Variants in INTS2 observed in about 807,000 individuals in gnomAD.
INTS2 encodes the protein integrator complex subunit 2.
In INTS2, 57 loss-of-function variants were observed where a neutral mutation model predicts 139.6. The observed-to-expected ratio is 0.41, with a 90% CI of 0.33 to 0.51. The LOEUF is 0.51. Ranked by LOEUF, INTS2 falls within the 20% of genes least tolerant of loss-of-function variation. INTS2 has a pLI of 0.28. For missense variants in INTS2, 1,196 were observed against 1,436.7 expected, an observed-to-expected ratio of 0.83 and a Z score of 2.71; for synonymous variants, 473 against 493.4, an observed-to-expected ratio of 0.96 and a Z score of 0.55.
chr17:61,911,239 A>T (rs1404227351), intron 7 of INTS2: 2 of 416,900 alleles, frequency 4.8e-6, no homozygotes, highest in Non-Finnish European at 8.4e-6. Flanking sequence ...GACTATAGGC[A>T]CATACCAACA....
rs2079105404 is a variant in INTS2 at position 61,873,571 on chromosome 17, A to T, written c.2583-1111T>A. ...ATGATAAATCATTTTTTCAAGAAAC[A>T]GCTCTTTTCTAGAAGTGTTATTTAT... On this transcript the variant is annotated intron_variant, in intron 19 of 24. Coordinates refer to ENST00000251334, the MANE Select transcript of INTS2 (RefSeq NM_001351695.2). This position sits in a 1 kb window ranked among gnomAD's most constrained non-coding sequence, Gnocchi z 4.0. Among the ~76,000 whole-genome samples the T allele has an allele frequency of 6.6e-6, 1 of 152,094 alleles. No homozygotes were observed. Among genetic ancestry groups the T allele is most frequent in the Non-Finnish European group, 1.5e-5 (1 of 67,996 alleles).
At chr17:61,920,431 C>T (rs1219894632) in intron 4 of INTS2, among the ~76,000 whole-genome samples, 1 of 151,314 alleles carries the variant, frequency 6.6e-6, no homozygotes, top group African/African-American at 2.4e-5. Flanking sequence ...ATCCACCCAC[C>T]TCGGCCTCCC....
intron 9 of INTS2, among the ~76,000 whole-genome samples, chr17:61,901,015 C>T (rs12452742): frequency 0.16 from 24,656 of 152,048 alleles, 2,465 homozygotes; most frequent in East Asian, 0.53. Context: ...TGGCTCACAC[C>T]TGTAGTTACA....
chr17:61,926,825 T>C, intron 1 of INTS2, 163 bp from the exon 2 acceptor site: 1 of 654,342 alleles, frequency 1.5e-6, no homozygotes, highest in Non-Finnish European at 2.7e-6. Context: ...CCTAGGTTTA[T>C]ACTGTCACCT....
At chr17:61,915,341 AAAATAAAT>A (rs58856021) in intron 5 of INTS2, among the ~76,000 whole-genome samples, 106 of 141,394 alleles carry the variant, frequency 7.5e-4, no homozygotes, top group Middle Eastern at 3.5e-3. Flanking sequence ...CCGTCTCAAA[AAAATAAAT>A]AAATAAATAA....
chr17:61,915,286 C>T (rs1170565307), intron 5 of INTS2, among the ~76,000 whole-genome samples: 4 of 151,402 alleles, frequency 2.6e-5, no homozygotes, highest in African/African-American at 2.4e-5. Flanking sequence ...TGCAGTGAGC[C>T]GAGATCACTC....
chr17:61,910,769 T>C (rs1006821081), intron 7 of INTS2: 25 of 149,994 alleles, frequency 1.7e-4, no homozygotes, highest in Middle Eastern at 3.4e-3. Context: ...TTTAAAAATA[T>C]AATAACTTAT....
intron 19 of INTS2, 62 bp downstream of exon 19, chr17:61,874,851 A>G: frequency 7.7e-7 from 1 of 1,291,560 alleles, no homozygotes; most frequent in Non-Finnish European, 1.0e-6. Flanking sequence ...GAATTTCATC[A>G]ATTTCTTTTG....
At chr17:61,886,728 T>C (rs78965550) in intron 15 of INTS2, among the ~76,000 whole-genome samples, 149 of 152,344 alleles carry the variant, frequency 9.8e-4, no homozygotes, top group South Asian at 1.9e-3. Flanking sequence ...ACCACAGGAA[T>C]ATATGAGAAT....
Position 61,897,419 on chromosome 17 carries a change from C to T in INTS2, c.1494+50G>A. 9.2e-7 allele frequency: 1 copy of T among 1,090,702 alleles called. No homozygotes were observed. The highest frequency in any genetic ancestry group is 1.3e-6 in the Non-Finnish European group (1 of 757,264). 67.6% of individuals were successfully genotyped at this position (1,090,702 alleles called of 1,614,324 possible). ...TCTATTTACACTACAACAAAATGTC[C>T]AGCTTAGAAACACCTTTTTTTTTTT... On this transcript the variant is annotated intron_variant, in intron 11 of 24. Coordinates refer to ENST00000251334, the MANE Select transcript of INTS2 (RefSeq NM_001351695.2). This position sits in a 1 kb window ranked among gnomAD's most constrained non-coding sequence, Gnocchi z 4.4.
rs1042902377 is a variant in INTS2 at position 61,866,338 on chromosome 17, CA to C, written c.*1218del. 7.1e-6 allele frequency: 1 copy of C among 141,778 alleles called. No homozygotes were observed. Among genetic ancestry groups the C allele is most frequent in the African/African-American group, 2.7e-5 (1 of 37,636 alleles). The allele number at this position is 141,778 out of a possible 1,614,324, so 8.8% of individuals were successfully genotyped here. On this transcript the variant is annotated 3_prime_UTR_variant, in exon 25 of 25. Coordinates refer to ENST00000251334, the MANE Select transcript of INTS2 (RefSeq NM_001351695.2). ...TCCCACTGCACTCCAGCCTGGGCAA[CA>C]GGGGAAGACTCCACCTCAGGAAAAA...
intron 15 of INTS2, among the ~76,000 whole-genome samples, chr17:61,886,059 T>C (rs2079225843): frequency 6.6e-6 from 1 of 150,662 alleles, no homozygotes; most frequent in Non-Finnish European, 1.5e-5. Flanking sequence ...TGACTAAATC[T>C]TTTTTTTTCC....
chr17:61,875,949 G>A lies in INTS2; in HGVS notation c.2457-911C>T, dbSNP rs556453193. ...TTTGGGAGGCTGAGGCAGAAGGTTC[G>A]CTTGAGCCCAGGAGTTCAAGACTAG... On this transcript the variant is annotated intron_variant, in intron 18 of 24. Transcript: ENST00000251334. The surrounding 1 kb of genome is among the most constrained non-coding windows in gnomAD (Gnocchi z 4.6). 4.9e-4 allele frequency among the ~76,000 whole-genome samples: 74 copies of A among 152,126 alleles called. No homozygotes were observed. Among genetic ancestry groups the A allele is most frequent in the African/African-American group, 1.6e-3 (66 of 41,508 alleles).
chr17:61,885,931 T>C (rs1054114154), intron 15 of INTS2, among the ~76,000 whole-genome samples: 3 of 150,120 alleles, frequency 2.0e-5, no homozygotes, highest in African/African-American at 7.4e-5. Flanking sequence ...GGTTTCACTG[T>C]GTTAGCCAGG....
At chr17:61,912,625 A>G (rs2143114840) in intron 5 of INTS2, among the ~76,000 whole-genome samples, 1 of 152,244 alleles carries the variant, frequency 6.6e-6, no homozygotes, top group South Asian at 2.1e-4. Flanking sequence ...CTCCTTCTCA[A>G]ATAAATTAAT....
Position 61,872,125 on chromosome 17 carries a change from G to A in INTS2, c.2778+140C>T. 1 of 495,018 alleles carries A rather than the reference G, an allele frequency of 2.0e-6. No homozygotes were observed. The allele number at this position is 495,018 out of a possible 1,614,324, so 30.7% of individuals were successfully genotyped here. ...ACTCAGAAGCAAAGGTAACATCATTGTAATAGATTCTATAATAAAAGAAAT... is the reference window on the plus strand; with the variant it reads ...ACTCAGAAGCAAAGGTAACATCATTATAATAGATTCTATAATAAAAGAAAT... On this transcript the variant is annotated intron_variant, in intron 20 of 24. Transcript: ENST00000251334. The surrounding 1 kb of genome is among the most constrained non-coding windows in gnomAD (Gnocchi z 4.8).
At chr17:61,903,631 A>G (rs2079431112) in intron 9 of INTS2, among the ~76,000 whole-genome samples, 2 of 152,114 alleles carry the variant, frequency 1.3e-5, no homozygotes, top group African/African-American at 4.8e-5. Context: ...GAAAGTTAAA[A>G]GCAAAAAACA....
In INTS2 at chr17:61,876,471, G is replaced by T. The variant is rs1356553340; in HGVS notation, c.2456+1416C>A. ...AGAAAAAAAAAATAGTGTTTCTTTT[G>T]TTTTTTTTTGAGACAGGGTTTCAGT... On this transcript the variant is annotated intron_variant, in intron 18 of 24. Coordinates refer to ENST00000251334, the MANE Select transcript of INTS2 (RefSeq NM_001351695.2). This position sits in a 1 kb window ranked among gnomAD's most constrained non-coding sequence, Gnocchi z 4.1. 6.7e-6 allele frequency among the ~76,000 whole-genome samples: 1 copy of T among 150,344 alleles called. No individual in the cohort carries two copies.
At chr17:61,912,377 G>A (rs1211816630) in intron 5 of INTS2, among the ~76,000 whole-genome samples, 2 of 117,074 alleles carry the variant, frequency 1.7e-5, no homozygotes, top group Non-Finnish European at 3.8e-5. Flanking sequence ...TGGGGGCGGG[G>A]GGGGGGGGGG....
Sources: gnomAD v4.1 joint callset for allele counts (sites outside exome capture counted in the v4.1 genomes callset) on GRCh38, gnomAD v4.1.1 for gene constraint, Gnocchi (gnomAD v3.1) non-coding constraint, MANE v1.5 for transcripts, NCBI Gene and HGNC (gene_info 2026-07-23, HGNC 2026-07-21) for gene names.